Variants in ANGEL1 observed in about 807,000 individuals in gnomAD.
ANGEL1 encodes RNA 2',3'-cyclic phosphatase ANGEL1.
In ANGEL1, 62 loss-of-function variants were observed where a neutral mutation model predicts 76.4. The observed-to-expected ratio is 0.81, with a 90% CI of 0.66 to 1.00. The LOEUF is 1.00. ANGEL1 is among the 50% of genes least tolerant of loss of function. The pLI, the probability that ANGEL1 is intolerant of heterozygous loss-of-function variation, is 0.00. For missense variants in ANGEL1, 737 were observed against 836.7 expected (o/e 0.88, Z 1.47); for synonymous variants, 340 against 331.7 (o/e 1.03, Z -0.27).
intron 7 of ANGEL1, among the ~76,000 whole-genome samples, chr14:76,797,278 A>G (rs971966712): frequency 1.3e-5 from 2 of 152,220 alleles, no homozygotes; most frequent in Admixed American, 1.3e-4. Flanking sequence ...AAAACAAACA[A>G]GCTAAAAAGA....
chr14:76,805,482 T>C (rs926526479), intron 5 of ANGEL1, among the ~76,000 whole-genome samples: 2 of 152,232 alleles, frequency 1.3e-5, no homozygotes, highest in African/African-American at 2.4e-5. Flanking sequence ...TACAATCGTT[T>C]TGTGTCCTTC....
intron 9 of ANGEL1, among the ~76,000 whole-genome samples, chr14:76,790,385 G>A (rs1204213381): frequency 6.6e-6 from 1 of 152,184 alleles, no homozygotes; most frequent in East Asian, 1.9e-4. Context: ...GATTGGGAGT[G>A]ACTGTCCTAC....
intron 7 of ANGEL1, among the ~76,000 whole-genome samples, chr14:76,801,043 C>G (rs916571981): frequency 2.0e-5 from 3 of 151,594 alleles, no homozygotes; most frequent in Non-Finnish European, 2.9e-5. Flanking sequence ...TTTTAACTGC[C>G]CAAAAGATTC....
At chr14:76,807,851 C>T in intron 3 of ANGEL1, 71 bp downstream of exon 3, 1 of 1,529,654 alleles carries the variant, frequency 6.5e-7, no homozygotes, top group Middle Eastern at 2.3e-4. Context: ...TTGAACTCAT[C>T]TTCTAAGAGC....
At position 76,803,835 on chromosome 14, in the gene ANGEL1, GC is replaced by G; in HGVS notation, c.1457del (p.Gly486AlafsTer41). ...LQAPLWPSSLGITDCCQYVTS... is the reference protein window; with the variant it reads ...LQAPLWPSSLXITDCCQYVTS... Reference sequence around the variant, plus strand: ...TGACATACTGACAGCAATCAGTGATGCCCAGGGAGCTGGGCCACAGTGGGGC... The same window carrying G: ...TGACATACTGACAGCAATCAGTGATGCCAGGGAGCTGGGCCACAGTGGGGC... On this transcript the variant is annotated frameshift_variant, in exon 6 of 10. Transcript: ENST00000251089. LOFTEE classifies it high-confidence loss of function. 1 of 1,614,172 alleles carries G rather than the reference GC, an allele frequency of 6.2e-7. No individual in the cohort carries two copies. Among genetic ancestry groups the G allele is most frequent in the Non-Finnish European group, 8.5e-7 (1 of 1,180,038 alleles).
intron 7 of ANGEL1, among the ~76,000 whole-genome samples, 179 bp from the exon 8 acceptor site, chr14:76,791,545 A>G (rs138253007): frequency 5.9e-5 from 9 of 152,350 alleles, no homozygotes; most frequent in Admixed American, 2.6e-4. Flanking sequence ...CAAGAACCTC[A>G]GAAAGCAGAT....
Position 76,791,351 on chromosome 14 carries a change from C to T in ANGEL1, c.1634G>A (p.Trp545Ter). The T allele has an allele frequency of 6.2e-7, 1 of 1,614,028 alleles. No homozygotes were observed. The highest frequency in any genetic ancestry group is 1.3e-5 in the African/African-American group (1 of 75,016). The change falls in exon 8 of 10, where the codon TGG becomes TAG. Residue 545 changes from tryptophan (W) to a stop codon, truncating the protein, a stop_gained. Transcript: ENST00000251089. LOFTEE classifies it high-confidence loss of function. ...TDTKPERPAG[W>*]AESVLEEDAS... ...ATCTTCCTCAAGGACAGACTCAGCC[C>T]AACCCGCAGGTCGCTCTGCAGAGGA...
chr14:76,809,303 T>C lies in ANGEL1; in HGVS notation c.405A>G (p.Pro135=), dbSNP rs1466067490. ...CCTCCACCCCCTCCACCTCCAGCAG[T>C]GGCTCCTCTCCTAGCATCTCAGGGA... ...EPFPEMLGEE[P]LLEVEGVEGS... Residue 135 remains proline, a synonymous_variant, in exon 2 of 10, where the codon CCA becomes CCG. Transcript: ENST00000251089. 4 of 1,614,112 alleles carry C rather than the reference T, an allele frequency of 2.5e-6. No individual in the cohort carries two copies. Among genetic ancestry groups the C allele is most frequent in the Non-Finnish European group, 3.4e-6 (4 of 1,179,952 alleles).
intron 4 of ANGEL1, 45 bp downstream of exon 4, chr14:76,807,388 T>C (rs1894949786): frequency 1.3e-6 from 2 of 1,571,290 alleles, no homozygotes; most frequent in African/African-American, 1.4e-5. Flanking sequence ...AGTAGACAAG[T>C]CTGTGGAAAG....
chr14:76,804,432 C>T (rs1190712957), intron 5 of ANGEL1: 3 of 995,440 alleles, frequency 3.0e-6, no homozygotes, highest in African/African-American at 1.7e-5. Context: ...ACGGACAAAA[C>T]GTAGTAGGGG....
rs766964318 is a variant in ANGEL1 at position 76,803,891 on chromosome 14, A to T, written c.1402T>A (p.Ser468Thr). The change falls in exon 6 of 10, where the codon TCC becomes ACC. Residue 468 changes from serine (S) to threonine (T), a missense_variant. Ser to Thr is a moderately conservative substitution (Grantham distance 58, BLOSUM62 1). This residue lies in a region of ANGEL1 where 296 missense variants were observed against 387.2 expected (regional missense o/e 0.76). Coordinates refer to ENST00000251089, the MANE Select transcript of ANGEL1 (RefSeq NM_015305.4). Reference protein sequence around the residue: ...AWKVSGQEDFSHQLYQRKLQA... With the variant: ...AWKVSGQEDFTHQLYQRKLQA... ...AGCTTCCTCTGGTAAAGCTGATGGG[A>T]GAAGTCTTCCTGTCCAGATACCTGG... The T allele has an allele frequency of 1.2e-6, 2 of 1,614,222 alleles. No individual in the cohort carries two copies. Among genetic ancestry groups the T allele is most frequent in the South Asian group, 2.2e-5 (2 of 91,084 alleles).
In ANGEL1 at chr14:76,788,739, A is replaced by AG; in HGVS notation, c.*488_*489insC. ...AAAAGTGGACTGGTCAGAGGCAGGC[A>AG]TGGCTGTGCAGAAGTCTCACCCCAA... On this transcript the variant is annotated 3_prime_UTR_variant, in exon 10 of 10. Transcript: ENST00000251089. 6.4e-6 allele frequency: 1 copy of AG among 155,862 alleles called. No homozygotes were observed. Among genetic ancestry groups the AG allele is most frequent in the Non-Finnish European group, 1.4e-5 (1 of 70,454 alleles). The allele number at this position is 155,862 out of a possible 1,614,324, so 9.7% of individuals were successfully genotyped here.
At chr14:76,809,939 C>T in intron 1 of ANGEL1, 2 of 442,504 alleles carry the variant, frequency 4.5e-6, no homozygotes, top group Non-Finnish European at 8.4e-6. Context: ...CACAGATGGG[C>T]ACATATACCC....
intron 7 of ANGEL1, among the ~76,000 whole-genome samples, chr14:76,794,946 T>G (rs1894533615): frequency 6.6e-6 from 1 of 152,190 alleles, no homozygotes; most frequent in Non-Finnish European, 1.5e-5. Flanking sequence ...AGTAATAATT[T>G]ACCCCCTCCT....
intron 7 of ANGEL1, among the ~76,000 whole-genome samples, chr14:76,796,685 A>AT (rs1245970090): frequency 1.3e-5 from 2 of 152,228 alleles, no homozygotes; most frequent in African/African-American, 4.8e-5. Context: ...TTTGATATAT[A>AT]TGAATCAGAT....
At chr14:76,812,705 G>A (rs924924100) in intron 1 of ANGEL1, 59 bp downstream of exon 1, 9 of 1,456,358 alleles carry the variant, frequency 6.2e-6, no homozygotes, top group Middle Eastern at 2.2e-4. Flanking sequence ...CAGGCCCGCG[G>A]AGCCCCGCAG....
intron 7 of ANGEL1, among the ~76,000 whole-genome samples, chr14:76,800,077 T>TG (rs1475467423): frequency 6.6e-6 from 1 of 152,244 alleles, no homozygotes; most frequent in Non-Finnish European, 1.5e-5. Flanking sequence ...GCTGGTGAAC[T>TG]GGCTACTTTG....
intron 4 of ANGEL1, 33 bp from the exon 5 acceptor site, chr14:76,806,882 A>G (rs1894934855): frequency 6.3e-7 from 1 of 1,594,334 alleles, no homozygotes. Context: ...GAGATGGGTC[A>G]GAGTCCTTAA....
In ANGEL1 at chr14:76,791,321, G is replaced by T; in HGVS notation, c.1664C>A (p.Ser555Ter). Residue 555 changes from serine (S) to a stop codon, truncating the protein, a stop_gained, in exon 8 of 10, where the codon TCG becomes TAG. Transcript: ENST00000251089. LOFTEE classifies it high-confidence loss of function. ...CCTGGAGAAGGCAGGCTCAAGCTCC[G>T]ATGCATCTTCCTCAAGGACAGACTC... is the stretch of plus-strand genomic sequence containing the variant. Reference protein sequence around the residue: ...WAESVLEEDASELEPAFSRTV... With the variant: ...WAESVLEEDA 1 of 1,614,054 alleles carries T rather than the reference G, an allele frequency of 6.2e-7. No homozygotes were observed. The highest frequency in any genetic ancestry group is 8.5e-7 in the Non-Finnish European group (1 of 1,179,974).
Sources: gnomAD v4.1 joint callset for allele counts (sites outside exome capture counted in the v4.1 genomes callset) on GRCh38, gnomAD v4.1.1 for gene constraint, gnomAD v4.1.1 regional missense constraint, MANE v1.5 for transcripts, NCBI Gene and HGNC (gene_info 2026-07-23, HGNC 2026-07-21) for gene names.